Variants in SVIL observed in about 807,000 individuals in gnomAD.
SVIL encodes supervillin.
Under a neutral mutation model 240.4 loss-of-function variants are expected in SVIL, and 101 were observed. The observed-to-expected ratio is 0.42, with a 90% CI of 0.36 to 0.50. The LOEUF (loss-of-function observed/expected upper bound fraction) is 0.50, where lower values mean the gene tolerates loss of function less well. Ranked by LOEUF, SVIL falls within the 20% of genes least tolerant of loss-of-function variation. The pLI, the probability that SVIL is intolerant of heterozygous loss-of-function variation, is 0.01. For missense variants in SVIL, 2,512 were observed against 2,818.7 expected, an observed-to-expected ratio of 0.89 and a Z score of 2.46; for synonymous variants, 999 against 1,100.0, an observed-to-expected ratio of 0.91 and a Z score of 1.82.
rs181286572 is a variant in SVIL, at chr10:29,693,269, G to C, written c.-399-6618C>G. Among the ~76,000 whole-genome samples the C allele has an allele frequency of 2.7e-5, 4 of 148,652 alleles. 1 individual carries two copies. The Admixed American group carries it at 2.8e-4, about 10-fold the overall frequency. On this transcript the variant is annotated intron_variant, in intron 1 of 35. Coordinates refer to the SVIL transcript ENST00000375400. The stretch of plus-strand genomic sequence containing the variant: ...GGTGGCCCGAATCCATAATTCTCAA[G>C]CATGACACTATAGGACCTCTGTTTT...
At chr10:29,465,449 GA>G in intron 34 of SVIL, 145 bp downstream of exon 34, 1 of 1,016,542 alleles carries the variant, frequency 9.8e-7, no homozygotes, top group Non-Finnish European at 1.4e-6. Flanking sequence ...GGGTGAGGAT[GA>G]AAAGAGTGTA....
intron 1 of SVIL, among the ~76,000 whole-genome samples, chr10:29,689,083 A>T (rs1046717207): frequency 6.6e-6 from 1 of 152,232 alleles, no homozygotes; most frequent in African/African-American, 2.4e-5. Context: ...GAATTATGCA[A>T]ACAGTGATAT....
intron 2 of SVIL, among the ~76,000 whole-genome samples, chr10:29,675,142 A>G (rs1377797164): frequency 6.6e-6 from 1 of 152,214 alleles, no homozygotes; most frequent in Non-Finnish European, 1.5e-5. Flanking sequence ...TAGAGCAATC[A>G]GGCCAATGAG....
Position 29,532,863 on chromosome 10 carries a change from C to T in SVIL, c.1504G>A (p.Ala502Thr). 1 of 1,614,172 alleles carries T rather than the reference C, an allele frequency of 6.2e-7. No individual in the cohort carries two copies. Among genetic ancestry groups the T allele is most frequent in the African/African-American group, 1.3e-5 (1 of 75,054 alleles). The change falls in exon 8 of 38, where the codon GCT becomes ACT. Residue 502 changes from alanine (A) to threonine (T), a missense_variant. Physicochemically the swap from Ala to Thr is moderately conservative, Grantham distance 58 (BLOSUM62 0). Transcript: ENST00000355867. ...GTCCTCTCAGTGGGCTGGTGCGGAG[C>T]TTGAGGGGGTTGTGCCACGTTTTCC... ...ELENVAQPPQ[A>T]PHQPTERTGR... is the part of the protein sequence containing the mutation.
rs2368401 is a variant in SVIL, at chr10:29,495,259, A to G, written c.3665-78T>C. The G allele has an allele frequency of 0.35, 245,593 of 699,538 alleles. 53,052 individuals carry two copies. The highest frequency in any genetic ancestry group is 0.41 in the African/African-American group (13,973 of 33,780). The allele number at this position is 699,538 out of a possible 1,614,324, so 43.3% of individuals were successfully genotyped here. On this transcript the variant is annotated intron_variant, in intron 18 of 37. Coordinates refer to ENST00000355867, the MANE Select transcript of SVIL (RefSeq NM_021738.3). ...CTCCGGGACCCTGGTGGATCTCCAG[A>G]AATCCCAGGGTAGACGGCACAACAT...
intron 29 of SVIL, among the ~76,000 whole-genome samples, chr10:29,479,611 G>A (rs907301657): frequency 4.6e-5 from 7 of 152,196 alleles, no homozygotes; most frequent in African/African-American, 1.7e-4. Flanking sequence ...CCTACAAAGT[G>A]TCTTCCGTAG....
chr10:29,686,730 G>A (rs931606980), intron 1 of SVIL: 1 of 152,164 alleles, frequency 6.6e-6, no homozygotes, highest in African/African-American at 2.4e-5. Flanking sequence ...GAAATGGAAT[G>A]AATCGGTTTG....
In SVIL at chr10:29,522,498, A is replaced by T; in HGVS notation, c.3301T>A (p.Cys1101Ser). The T allele has an allele frequency of 6.2e-7, 1 of 1,614,186 alleles. No individual in the cohort carries two copies. The highest frequency in any genetic ancestry group is 8.5e-7 in the Non-Finnish European group (1 of 1,180,018). Residue 1101 changes from cysteine (C) to serine (S), a missense_variant, in exon 16 of 38, where the codon TGT (cysteine) becomes AGT (serine). Transcript: ENST00000355867. ...ATCTCTCCAGCAGCAAACATCGCAC[A>T]TGGATTCTTGCAGAGCTTCTCCTGT... The part of the protein sequence containing the change: ...QPQEKLCKNP[C>S]AMFAAGEIKT...
intron 1 of SVIL, among the ~76,000 whole-genome samples, chr10:29,728,422 C>T (rs1964414785): frequency 6.6e-6 from 1 of 152,044 alleles, no homozygotes; most frequent in African/African-American, 2.4e-5. Context: ...CCAAAGAACC[C>T]TTTTTAAAAG....
intron 2 of SVIL, among the ~76,000 whole-genome samples, chr10:29,666,286 T>C (rs1959283396): frequency 6.6e-6 from 1 of 152,132 alleles, no homozygotes; most frequent in African/African-American, 2.4e-5. Context: ...TTGAGAGAGG[T>C]AAAAAGGTTT....
chr10:29,623,496 T>A (rs1292074232), intron 1 of SVIL, among the ~76,000 whole-genome samples: 1 of 152,260 alleles, frequency 6.6e-6, no homozygotes, highest in Non-Finnish European at 1.5e-5. Flanking sequence ...GCCGTAAGGC[T>A]CAGCTGGGTG....
chr10:29,595,275 A>C (rs1956539877), intron 1 of SVIL, among the ~76,000 whole-genome samples: 1 of 152,204 alleles, frequency 6.6e-6, no homozygotes. Flanking sequence ...CGGGAAGCTG[A>C]GAAATGAGAC....
In SVIL at chr10:29,583,864, G is replaced by A. The variant is rs550877637; in HGVS notation, c.-200-14552C>T. On this transcript the variant is annotated intron_variant, in intron 1 of 37. Transcript: ENST00000355867. ...GAAATGACTCAAGACACGTTTATGC[G>A]TGGGTGTAACATCTGATTAAGCAAA... Among the ~76,000 whole-genome samples the A allele has an allele frequency of 2.7e-3, 414 of 152,310 alleles. 4 individuals carry two copies. The highest frequency in any genetic ancestry group is 5.0e-3 in the Non-Finnish European group (341 of 68,028).
chr10:29,477,662 C>T (rs986122124), intron 29 of SVIL, among the ~76,000 whole-genome samples: 5 of 152,228 alleles, frequency 3.3e-5, no homozygotes, highest in Non-Finnish European at 7.3e-5. Flanking sequence ...TACGGAGTGA[C>T]TGCAAGTGCC....
intron 1 of SVIL, among the ~76,000 whole-genome samples, chr10:29,697,672 A>C (rs1962193856): frequency 8.4e-6 from 1 of 119,478 alleles, no homozygotes; most frequent in South Asian, 2.7e-4. Flanking sequence ...CAGGGACACA[A>C]ACACTCTGCC....
At chr10:29,723,398 T>C (rs543607840) in intron 1 of SVIL, among the ~76,000 whole-genome samples, 2 of 152,120 alleles carry the variant, frequency 1.3e-5, no homozygotes, top group African/African-American at 2.4e-5. Context: ...AAAAAATAAA[T>C]GTATAACTAA....
At chr10:29,648,535 C>G (rs916729957) in intron 3 of SVIL, among the ~76,000 whole-genome samples, 2 of 152,196 alleles carry the variant, frequency 1.3e-5, no homozygotes, top group Non-Finnish European at 2.9e-5. Context: ...TTGCCCGACC[C>G]TCATCATGAT....
chr10:29,694,198 AGCCTGGGCAACAGAGCAAG>A (rs1409023551), intron 1 of SVIL, among the ~76,000 whole-genome samples: 13 of 149,454 alleles, frequency 8.7e-5, no homozygotes, highest in Admixed American at 1.3e-4. Flanking sequence ...AGTTTGAAGC[AGCCTGGGCAACAGAGCAAG>A]ACACTGTGTC....
chr10:29,506,692 C>T (rs1404005513), intron 17 of SVIL, among the ~76,000 whole-genome samples: 18 of 109,728 alleles, frequency 1.6e-4, no homozygotes, highest in Admixed American at 5.2e-4. Flanking sequence ...AGGGAGGGGA[C>T]AGAGGCCCTA....
Sources: gnomAD v4.1 joint callset for allele counts (sites outside exome capture counted in the v4.1 genomes callset) on GRCh38, gnomAD v4.1.1 for gene constraint, MANE v1.5 for transcripts, NCBI Gene and HGNC (gene_info 2026-07-23, HGNC 2026-07-21) for gene names.